BRWD1: variants seen among roughly 807,000 people sequenced by gnomAD.
BRWD1 encodes the protein bromodomain and WD repeat-containing protein 1.
In BRWD1, 82 loss-of-function variants were observed where a neutral mutation model predicts 251.2. The ratio of observed to expected loss-of-function variants is 0.33; its 90% CI spans 0.27 to 0.39. The LOEUF (loss-of-function observed/expected upper bound fraction) is 0.39. BRWD1 is among the 10% of genes least tolerant of loss of function. The pLI, the probability that BRWD1 is intolerant of heterozygous loss-of-function variation, is 1.00. For missense variants in BRWD1, 2,233 were observed against 2,711.6 expected (o/e 0.82, Z 3.92); for synonymous variants, 918 against 902.8 (o/e 1.02, Z -0.30).
At chr21:39,271,696 C>CAA (rs34900726) in intron 13 of BRWD1, among the ~76,000 whole-genome samples, 2,399 of 58,960 alleles carry the variant, frequency 0.041, 177 homozygotes, top group Middle Eastern at 0.079. Flanking sequence ...GACTCCGTCT[C>CAA]AAAAAAAAAA....
chr21:39,295,717 A>G, intron 7 of BRWD1, 26 bp downstream of exon 7: 1 of 1,528,690 alleles, frequency 6.5e-7, no homozygotes, highest in Non-Finnish European at 8.8e-7. Context: ...AGATGACATC[A>G]AATCAAGTTT....
chr21:39,278,435 C>G (rs887725468), intron 10 of BRWD1: 2 of 292,442 alleles, frequency 6.8e-6, no homozygotes, highest in Admixed American at 1.0e-4. Flanking sequence ...TTAGCCTATT[C>G]AAAGAAAATC....
In BRWD1 at chr21:39,295,183, T is replaced by G. The variant is rs190514125; in HGVS notation, c.609+560A>C. 2.0e-3 allele frequency among the ~76,000 whole-genome samples: 234 copies of G among 116,976 alleles called. 1 individual carries two copies. Among genetic ancestry groups the G allele is most frequent in the African/African-American group, 9.3e-3 (217 of 23,432 alleles). 76.7% of individuals were successfully genotyped at this position (116,976 alleles called of 152,430 possible). A position where few individuals can be genotyped will look rare whatever the true frequency, so the allele number is the denominator to read the frequency against. ...GTGTTAGGTATGTCTATGTTTTTTT[T>G]TTTTTTTTTTTTTTTTTTTTTGAGA... On this transcript the variant is annotated intron_variant, in intron 7 of 40. Coordinates refer to ENST00000342449, the MANE Select transcript of BRWD1 (RefSeq NM_033656.4).
At position 39,196,649 on chromosome 21, in the gene BRWD1, G is replaced by C. The variant is rs372616816; in HGVS notation, c.6420C>G (p.Ile2140Met). 2 of 1,613,748 alleles carry C rather than the reference G, an allele frequency of 1.2e-6. No homozygotes were observed. Among genetic ancestry groups the C allele is most frequent in the African/African-American group, 2.7e-5 (2 of 74,994 alleles). The change falls in exon 41 of 41, where the codon ATC becomes ATG. Residue 2140 changes from isoleucine (I) to methionine (M), a missense_variant. By Grantham distance (10) the Ile-to-Met change is conservative (BLOSUM62 1). This residue lies in a region of BRWD1 where 928 missense variants were observed against 970.0 expected (regional missense o/e 0.96). Transcript: ENST00000342449. ...ACTTTGAATTCCCAGTTGTTTCAGA[G>C]ATTTTCACATTTTCCAATTCAGGAT... ...RSHPELENVK[I>M]SETTGNSKFR...
Position 39,210,858 on chromosome 21 carries a change from T to A in BRWD1, c.3972A>T (p.Glu1324Asp). 1 of 1,612,934 alleles carries A rather than the reference T, an allele frequency of 6.2e-7. No homozygotes were observed. The highest frequency in any genetic ancestry group is 2.2e-5 in the East Asian group (1 of 44,784). Residue 1324 changes from glutamate (E) to aspartate (D), a missense_variant, in exon 35 of 41, where the codon GAA (glutamate) becomes GAT (aspartate). Transcript: ENST00000342449. ...CACACTGAAAAATTAAGTTCACTAG[T>A]TCCTTACACTGTTTCTTCCAGTTGC... ...VESNWKKQCK[E>D]LVNLIFQCED... is the part of the protein sequence containing the mutation.
At chr21:39,217,060 TATATATATATATATATA>T (rs2032961702) in intron 31 of BRWD1, 1 of 15,354 alleles carries the variant, frequency 6.5e-5, no homozygotes, top group Non-Finnish European at 1.5e-4. Context: ...TTTATATATA[TATATATATATATATATA>T]TATATATTTT....
Position 39,216,637 on chromosome 21 carries a change from A to G in BRWD1, c.3660-1275T>C, listed in dbSNP as rs113943504. 6.2e-3 allele frequency: 2,145 copies of G among 344,884 alleles called. 54 individuals are homozygous for G. Among genetic ancestry groups the G allele is most frequent in the African/African-American group, 0.044 (2,017 of 45,976 alleles). The allele number at this position is 344,884 out of a possible 1,614,324, so 21.4% of individuals were successfully genotyped here. ...AGGCCAGAAGTATATGACTGTATAA[A>G]TAACAGAATCTACTCAGAACAGTTT... is the stretch of plus-strand genomic sequence containing the variant. On this transcript the variant is annotated intron_variant, in intron 31 of 40. Transcript: ENST00000342449.
Position 39,210,929 on chromosome 21 carries a change from C to T in BRWD1, c.3901G>A (p.Val1301Ile), listed in dbSNP as rs2032627611. 1 of 1,609,162 alleles carries T rather than the reference C, an allele frequency of 6.2e-7. No homozygotes were observed. The change falls in exon 35 of 41, where the codon GTC (valine) becomes ATC (isoleucine). Residue 1301 changes from valine (V) to isoleucine (I), a missense_variant and splice_region_variant. Val to Ile is a conservative substitution (Grantham distance 29). This residue lies in a region of BRWD1 where 167 missense variants were observed against 183.2 expected (regional missense o/e 0.91). Coordinates refer to ENST00000342449, the MANE Select transcript of BRWD1 (RefSeq NM_033656.4). Reference sequence around the variant, plus strand: ...CTGATGCTTTTTTTCCCATCATGGACCTAAAAATACATTCACAGTCTTAAG... The same window carrying T: ...CTGATGCTTTTTTTCCCATCATGGATCTAAAAATACATTCACAGTCTTAAG... ...LPKTSSGRRR[V>I]HDGKKSIRAT...
chr21:39,200,381 C>T lies in BRWD1; in HGVS notation c.4591G>A (p.Glu1531Lys). Residue 1531 changes from glutamate (E) to lysine (K), a missense_variant, in exon 39 of 41, where the codon GAA (glutamate) becomes AAA (lysine). Glu to Lys is a moderately conservative substitution (Grantham distance 56, BLOSUM62 1). Around this residue, in one of 12 missense-constraint regions of BRWD1, gnomAD observed 928 missense variants for 970.0 expected, o/e 0.96. Coordinates refer to ENST00000342449, the MANE Select transcript of BRWD1 (RefSeq NM_033656.4). ...GAGGTAGCTAAAGAATCTTCCACTT[C>T]ACTTTCTAGGAAAAATAAAGTGTAA... The part of the protein sequence containing the change: ...ITNGSTLSES[E>K]VEDSLATSLS... 1 of 1,610,668 alleles carries T rather than the reference C, an allele frequency of 6.2e-7. No individual in the cohort carries two copies. Among genetic ancestry groups the T allele is most frequent in the Non-Finnish European group, 8.5e-7 (1 of 1,178,900 alleles).
intron 13 of BRWD1, among the ~76,000 whole-genome samples, 155 bp from the exon 14 acceptor site, chr21:39,270,588 T>C (rs1016636898): frequency 3.9e-5 from 6 of 152,160 alleles, no homozygotes; most frequent in East Asian, 1.9e-4. Flanking sequence ...GAACAGACTG[T>C]CTAGAAACAG....
intron 17 of BRWD1, among the ~76,000 whole-genome samples, chr21:39,259,293 G>A (rs1466490263): frequency 6.6e-6 from 1 of 151,972 alleles, no homozygotes; most frequent in Non-Finnish European, 1.5e-5. Flanking sequence ...CTTACTTCAA[G>A]TACAGAGTTT....
intron 7 of BRWD1, among the ~76,000 whole-genome samples, chr21:39,294,654 C>A (rs1484926043): frequency 0.027 from 2,598 of 97,212 alleles, no homozygotes; most frequent in African/African-American, 0.033. Flanking sequence ...GACTCCGTCT[C>A]AAAAAAAAAA....
At chr21:39,279,506 G>A (rs2035381912) in intron 9 of BRWD1, among the ~76,000 whole-genome samples, 1 of 151,546 alleles carries the variant, frequency 6.6e-6, no homozygotes, top group Non-Finnish European at 1.5e-5. Flanking sequence ...GGACGTGGTG[G>A]CGGGCACCTG....
At chr21:39,317,436 A>T (rs2146835038), upstream of BRWD1, among the ~76,000 whole-genome samples, 2 of 152,382 alleles carry the variant, frequency 1.3e-5, 1 homozygote, top group South Asian at 4.1e-4. Context: ...GACTGGATAA[A>T]CAGCTCTTAG....
At chr21:39,288,266 G>A (rs1204318909) in intron 8 of BRWD1, among the ~76,000 whole-genome samples, 1 of 152,128 alleles carries the variant, frequency 6.6e-6, no homozygotes, top group Non-Finnish European at 1.5e-5. Context: ...TTATGTTGTA[G>A]TGTAACTTCA....
chr21:39,200,467 G>T, intron 38 of BRWD1, 81 bp from the exon 39 acceptor site: 1 of 1,173,722 alleles, frequency 8.5e-7, no homozygotes. Context: ...ACATTACTCT[G>T]AACATTACAT....
At chr21:39,307,460 T>C (rs533757474) in intron 4 of BRWD1, among the ~76,000 whole-genome samples, 2 of 152,282 alleles carry the variant, frequency 1.3e-5, no homozygotes, top group South Asian at 4.1e-4. Context: ...TATGTATATA[T>C]GTTTGTATGT....
chr21:39,277,130 G>T, intron 11 of BRWD1, 121 bp downstream of exon 11: 1 of 548,570 alleles, frequency 1.8e-6, no homozygotes, highest in Admixed American at 4.0e-5. Context: ...ATAAATGACA[G>T]TTCATTTGTT....
At position 39,197,162 on chromosome 21, in the gene BRWD1, A is replaced by G. The variant is rs1209003200; in HGVS notation, c.5907T>C (p.Cys1969=). 13 of 1,614,038 alleles carry G rather than the reference A, an allele frequency of 8.1e-6. No homozygotes were observed. The highest frequency in any genetic ancestry group is 1.3e-5 in the African/African-American group (1 of 74,936). The change falls in exon 41 of 41, where the codon TGT becomes TGC. Residue 1969 remains cysteine, a synonymous_variant. Transcript: ENST00000342449. ...NGRKKPLHLA[C]TTAKKKLSDC... ...CACTCAATTTCTTCTTAGCTGTAGT[A>G]CAAGCAAGATGGAGAGGTTTTTTCC...
Sources: gnomAD v4.1 joint callset for allele counts (sites outside exome capture counted in the v4.1 genomes callset) on GRCh38, gnomAD v4.1.1 for gene constraint, gnomAD v4.1.1 regional missense constraint, MANE v1.5 for transcripts, NCBI Gene and HGNC (gene_info 2026-07-23, HGNC 2026-07-21) for gene names.